CDH2: variants seen among roughly 807,000 people sequenced by gnomAD.
CDH2 encodes cadherin 2, also known as cadherin-2.
A neutral mutation model predicts 92.0 loss-of-function variants in CDH2; 17 were observed. The observed-to-expected ratio is 0.18, with a 90% confidence interval of 0.13 to 0.28. The LOEUF (loss-of-function observed/expected upper bound fraction) is 0.28, where lower values mean the gene tolerates loss of function less well. Among genes scored for constraint, CDH2 ranks in the 10% least tolerant of loss-of-function variants. CDH2 has a pLI of 1.00. For missense variants in CDH2, 862 were observed against 1,133.1 expected, an observed-to-expected ratio of 0.76 and a Z score of 3.44; for synonymous variants, 419 against 415.9, an observed-to-expected ratio of 1.01 and a Z score of -0.09.
Position 28,043,466 on chromosome 18 carries a change from ATATATAT to A in CDH2, c.173-29564_173-29558del, listed in dbSNP as rs1567976394. ...AAAAATTACTGATATAAATAAATAT[ATATATAT>A]ATATATATATATATATATATAAATA... On this transcript the variant is annotated intron_variant, in intron 2 of 15. Coordinates refer to ENST00000269141, the MANE Select transcript of CDH2 (RefSeq NM_001792.5). 4.0e-4 allele frequency among the ~76,000 whole-genome samples: 33 copies of A among 82,986 alleles called. 2 individuals carry two copies. The highest frequency in any genetic ancestry group is 2.6e-3 in the South Asian group (8 of 3,080). The allele number at this position is 82,986 out of a possible 152,430, so 54.4% of individuals were successfully genotyped here.
chr18:28,095,988 T>G lies in CDH2; in HGVS notation c.172+51685A>C, dbSNP rs144592498. Among the ~76,000 whole-genome samples, 347 of 152,214 alleles carry G rather than the reference T, an allele frequency of 2.3e-3. 2 individuals are homozygous for G. Among genetic ancestry groups the G allele is most frequent in the South Asian group, 7.9e-3 (38 of 4,822 alleles). On this transcript the variant is annotated intron_variant, in intron 2 of 15. Coordinates refer to ENST00000269141, the MANE Select transcript of CDH2 (RefSeq NM_001792.5). ...TGCATCCTAACATCAGAAAACAAACTATTTGGGAATTATGCAGTTTAAACT... is the reference window on the plus strand; with the variant it reads ...TGCATCCTAACATCAGAAAACAAACGATTTGGGAATTATGCAGTTTAAACT...
rs182178886 is a variant in CDH2, at chr18:28,155,227, T to C, written c.61-7443A>G. On this transcript the variant is annotated intron_variant, in intron 1 of 15. Coordinates refer to ENST00000269141, the MANE Select transcript of CDH2 (RefSeq NM_001792.5). ...TCCACCATCTACTACCTGTGTGACC[T>C]TGGCAAGCCATGTAACCTCATCTGT... Among the ~76,000 whole-genome samples the C allele has an allele frequency of 2.0e-3, 305 of 152,296 alleles. 1 individual carries two copies. The highest frequency in any genetic ancestry group is 7.1e-3 in the African/African-American group (294 of 41,556).
At chr18:27,935,491 C>T (rs1184111520) in intron 6 of CDH2, among the ~76,000 whole-genome samples, 1 of 152,176 alleles carries the variant, frequency 6.6e-6, no homozygotes, top group Non-Finnish European at 1.5e-5. Context: ...ACTTCCAACG[C>T]TGGGGATTAC....
chr18:28,076,520 A>G (rs1023032225), intron 2 of CDH2, among the ~76,000 whole-genome samples: 13 of 152,106 alleles, frequency 8.5e-5, no homozygotes, highest in Non-Finnish European at 1.6e-4. Flanking sequence ...TAATTTTTTA[A>G]CATTTTAGAT....
At chr18:28,082,481 T>C (rs1411991724) in intron 2 of CDH2, among the ~76,000 whole-genome samples, 1 of 152,184 alleles carries the variant, frequency 6.6e-6, no homozygotes, top group Non-Finnish European at 1.5e-5. Flanking sequence ...ATAACAAAGA[T>C]TGGCCAGCCT....
At chr18:27,980,460 T>C (rs1193442308) in intron 14 of CDH2, among the ~76,000 whole-genome samples, 2 of 152,192 alleles carry the variant, frequency 1.3e-5, no homozygotes, top group South Asian at 4.1e-4. Context: ...TGAACCAGTT[T>C]AGAGATAGAG....
intron 7 of CDH2, among the ~76,000 whole-genome samples, chr18:28,001,254 G>A (rs2144004542): frequency 6.6e-6 from 1 of 152,254 alleles, no homozygotes; most frequent in Non-Finnish European, 1.5e-5. Flanking sequence ...AATACAGTCT[G>A]ATTTTTAAAC....
intron 2 of CDH2, among the ~76,000 whole-genome samples, chr18:28,138,086 T>G (rs2144309738): frequency 6.6e-6 from 1 of 152,112 alleles, no homozygotes; most frequent in African/African-American, 2.4e-5. Flanking sequence ...ATTTGACAGC[T>G]TATGTCATCT....
intron 14 of CDH2, among the ~76,000 whole-genome samples, chr18:27,966,060 A>AAT (rs1045686293): frequency 6.6e-6 from 1 of 151,988 alleles, no homozygotes; most frequent in East Asian, 1.9e-4. Context: ...TAAAAAATAA[A>AAT]ATATGTTTTT....
chr18:28,134,272 A>C (rs1568011653), intron 2 of CDH2, among the ~76,000 whole-genome samples: 2 of 152,080 alleles, frequency 1.3e-5, no homozygotes, highest in Non-Finnish European at 2.9e-5. Context: ...GAAAAAAAGA[A>C]TTTATATTTC....
intron 2 of CDH2, among the ~76,000 whole-genome samples, chr18:28,065,579 C>T (rs2014490827): frequency 6.6e-6 from 1 of 152,172 alleles, no homozygotes; most frequent in Non-Finnish European, 1.5e-5. Flanking sequence ...GAATGCTACA[C>T]TGATAATCCA....
At chr18:27,955,363 T>C (rs1469997036) in intron 15 of CDH2, among the ~76,000 whole-genome samples, 2 of 43,642 alleles carry the variant, frequency 4.6e-5, no homozygotes, top group African/African-American at 9.2e-5. Context: ...ATTTAAAGTA[T>C]AATAGTAAAA....
intron 2 of CDH2, chr18:28,146,650 G>C (rs987145760): frequency 6.6e-6 from 1 of 152,022 alleles, no homozygotes; most frequent in Non-Finnish European, 1.5e-5. Context: ...GTAGCTAAGA[G>C]GCCATTTACA....
chr18:28,109,733 A>G (rs2015380179), intron 2 of CDH2, among the ~76,000 whole-genome samples: 1 of 152,216 alleles, frequency 6.6e-6, no homozygotes, highest in Non-Finnish European at 1.5e-5. Flanking sequence ...ACTTAAGTAT[A>G]TGAAACTCTT....
intron 11 of CDH2, among the ~76,000 whole-genome samples, chr18:27,986,976 G>A (rs2012254746): frequency 6.6e-6 from 1 of 152,176 alleles, no homozygotes; most frequent in South Asian, 2.1e-4. Flanking sequence ...TTAACGAACA[G>A]AGCTGGGGCT....
chr18:28,094,946 T>C (rs1371457256), intron 2 of CDH2, among the ~76,000 whole-genome samples: 1 of 152,070 alleles, frequency 6.6e-6, no homozygotes, highest in Non-Finnish European at 1.5e-5. Context: ...GAAATAAATG[T>C]TAAAGAATTT....
At chr18:27,949,215 C>G (rs1909350949), downstream of CDH2, among the ~76,000 whole-genome samples, 2 of 151,968 alleles carry the variant, frequency 1.3e-5, no homozygotes, top group South Asian at 2.1e-4. Flanking sequence ...ATCCTTTTGC[C>G]AGAGGAGGAA....
At chr18:28,062,271 T>C (rs2014418462) in intron 2 of CDH2, among the ~76,000 whole-genome samples, 2 of 152,196 alleles carry the variant, frequency 1.3e-5, no homozygotes, top group African/African-American at 4.8e-5. Context: ...AAAGAGAATA[T>C]AATGCAATAG....
chr18:28,116,316 C>T (rs568371699), intron 2 of CDH2, among the ~76,000 whole-genome samples: 1 of 152,304 alleles, frequency 6.6e-6, no homozygotes, highest in African/African-American at 2.4e-5. Context: ...AATAATCAAA[C>T]AGTTTCTGGG....
Sources: gnomAD v4.1 joint callset for allele counts (sites outside exome capture counted in the v4.1 genomes callset) on GRCh38, gnomAD v4.1.1 for gene constraint, MANE v1.5 for transcripts, NCBI Gene and HGNC (gene_info 2026-07-23, HGNC 2026-07-21) for gene names.